CHLSN: variants seen among roughly 807,000 people sequenced by gnomAD.
CHLSN encodes cholesin, also known as protein cholesin.
the CHLSN span, chr7:1,092,187 C>T: frequency 6.0e-5 from 96 of 1,613,310 alleles, no homozygotes; most frequent in African/African-American, 4.9e-4. Flanking sequence ...GGATGAGCTT[C>T]GACCGCTACA....
chr7:1,026,498 G>C, the CHLSN span: 1 of 152,226 alleles, frequency 6.6e-6, no homozygotes, highest in Non-Finnish European at 1.5e-5. Flanking sequence ...AGCAGTCGGA[G>C]GCGGCGTTGT....
the CHLSN span, among the ~76,000 whole-genome samples, chr7:979,473 C>T: frequency 2.7e-4 from 41 of 152,134 alleles, 2 homozygotes; most frequent in Admixed American, 7.9e-4. Context: ...GTGATTTGGC[C>T]GGGTGTGGTG....
the CHLSN span, among the ~76,000 whole-genome samples, chr7:1,027,865 C>T: frequency 6.6e-6 from 1 of 152,226 alleles, no homozygotes; most frequent in Non-Finnish European, 1.5e-5. Context: ...GTGTCTCCCC[C>T]GGGGGCTGCT....
At chr7:1,115,210 A>G in the CHLSN span, among the ~76,000 whole-genome samples, 3 of 152,154 alleles carry the variant, frequency 2.0e-5, no homozygotes, top group Admixed American at 2.0e-4. Context: ...TTTCTTGGGG[A>G]GAGGGAAGAA....
the CHLSN span, among the ~76,000 whole-genome samples, chr7:1,123,119 A>G: frequency 5.3e-5 from 8 of 152,042 alleles, no homozygotes; most frequent in African/African-American, 1.9e-4. The surrounding 1 kb of genome is among the most constrained non-coding windows in gnomAD (Gnocchi z 4.4). Flanking sequence ...GAACGGCCAA[A>G]CCTCACCAAC....
At chr7:1,070,867 T>G in the CHLSN span, among the ~76,000 whole-genome samples, 3 of 122,050 alleles carry the variant, frequency 2.5e-5, no homozygotes, top group African/African-American at 3.5e-5. Context: ...TGCACACGGG[T>G]GCGCACACGT....
the CHLSN span, among the ~76,000 whole-genome samples, chr7:1,116,855 G>C: frequency 0.04 from 662 of 16,684 alleles, no homozygotes; most frequent in South Asian, 0.056. Flanking sequence ...ATGATGACAT[G>C]ACTGCAGCTC....
At chr7:1,114,547 C>G in the CHLSN span, among the ~76,000 whole-genome samples, 10 of 152,238 alleles carry the variant, frequency 6.6e-5, no homozygotes, top group Non-Finnish European at 1.5e-4. Context: ...TGCCCCCGCT[C>G]GGCCGCTCAT....
chr7:1,007,042 C>T, the CHLSN span, among the ~76,000 whole-genome samples: 4 of 152,314 alleles, frequency 2.6e-5, no homozygotes, highest in South Asian at 4.1e-4. Flanking sequence ...GAAGACCCCA[C>T]GGGCGCTGGG....
the CHLSN span, among the ~76,000 whole-genome samples, chr7:1,132,920 G>A: frequency 4.0e-4 from 61 of 152,050 alleles, no homozygotes; most frequent in African/African-American, 1.4e-3. Flanking sequence ...GCTCAGCATC[G>A]GGTCATTTAG....
the CHLSN span, chr7:984,612 T>TGG: frequency 1.8e-5 from 28 of 1,535,394 alleles, no homozygotes; most frequent in Non-Finnish European, 2.4e-5. Flanking sequence ...CTACTGGGTG[T>TGG]GGGGGCACCT....
At chr7:1,069,373 C>A in the CHLSN span, among the ~76,000 whole-genome samples, 1 of 149,528 alleles carries the variant, frequency 6.7e-6, no homozygotes, top group African/African-American at 2.4e-5. Flanking sequence ...TCCCCTCTCC[C>A]CTCTCCCCTC....
chr7:984,377 A>T, the CHLSN span: 1 of 1,539,590 alleles, frequency 6.5e-7, no homozygotes, highest in Non-Finnish European at 8.7e-7. Flanking sequence ...CTTGTGGGTG[A>T]GGGCTGCCCG....
At chr7:1,023,007 C>G in the CHLSN span, 3 of 463,534 alleles carry the variant, frequency 6.5e-6, no homozygotes, top group Non-Finnish European at 8.7e-6. This position sits in a 1 kb window ranked among gnomAD's most constrained non-coding sequence, Gnocchi z 5.0. Flanking sequence ...TCCTGGAGGA[C>G]AGGGAGAGCG....
At chr7:1,023,624 A>ACAC in the CHLSN span, among the ~76,000 whole-genome samples, 1 of 122,302 alleles carries the variant, frequency 8.2e-6, no homozygotes, top group East Asian at 2.7e-4. The surrounding 1 kb of genome is among the most constrained non-coding windows in gnomAD (Gnocchi z 5.0). Flanking sequence ...CCTCCCAGGA[A>ACAC]ACACACACAC....
At chr7:984,387 G>T in the CHLSN span, 1 of 1,543,234 alleles carries the variant, frequency 6.5e-7, no homozygotes. Context: ...AGGGCTGCCC[G>T]GGTGACCCCC....
chr7:1,071,111 G>A, the CHLSN span, among the ~76,000 whole-genome samples: 7 of 152,194 alleles, frequency 4.6e-5, no homozygotes, highest in Non-Finnish European at 7.3e-5. Context: ...GCCATGGGGG[G>A]GCCATGAGAC....
At chr7:994,457 A>T in the CHLSN span, among the ~76,000 whole-genome samples, 3 of 151,840 alleles carry the variant, frequency 2.0e-5, no homozygotes, top group Non-Finnish European at 4.4e-5. Context: ...CACTAAATTT[A>T]GTGCTCACCG....
At chr7:1,007,645 T>C in the CHLSN span, among the ~76,000 whole-genome samples, 1 of 152,168 alleles carries the variant, frequency 6.6e-6, no homozygotes, top group Non-Finnish European at 1.5e-5. Context: ...ATCCCAGGCC[T>C]TGGAAGAAGC....
Sources: gnomAD v4.1 joint callset for allele counts (sites outside exome capture counted in the v4.1 genomes callset) on GRCh38, gnomAD v4.1.1 for gene constraint, Gnocchi (gnomAD v3.1) non-coding constraint, MANE v1.5 for transcripts, NCBI Gene and HGNC (gene_info 2026-07-23, HGNC 2026-07-21) for gene names.